The following KCNH7 variants were observed in gnomAD, a reference collection of about 807,000 sequenced individuals.
KCNH7 encodes the protein potassium voltage-gated channel subfamily H member 7.
Under a neutral mutation model 120.8 loss-of-function variants are expected in KCNH7, and 49 were observed. The observed-to-expected ratio is 0.41, with a 90% confidence interval of 0.32 to 0.51. KCNH7 has a LOEUF of 0.51. Among genes scored for constraint, KCNH7 ranks in the 20% least tolerant of loss-of-function variants. KCNH7 has a pLI of 0.38. For synonymous variants in KCNH7, 547 were observed against 516.1 expected (o/e 1.06, Z -0.81); for missense variants, 1,097 against 1,446.6 (o/e 0.76, Z 3.92).
intron 8 of KCNH7, among the ~76,000 whole-genome samples, chr2:162,431,126 A>G (rs1336182502): frequency 2.0e-5 from 3 of 151,966 alleles, no homozygotes; most frequent in Admixed American, 2.0e-4. Flanking sequence ...GATATTTACT[A>G]TTTGCATTTA....
At chr2:162,715,466 A>G (rs1294558642) in intron 2 of KCNH7, among the ~76,000 whole-genome samples, 2 of 152,296 alleles carry the variant, frequency 1.3e-5, no homozygotes, top group East Asian at 3.9e-4. Flanking sequence ...TCCAAACTAT[A>G]TCAGTTGGTA....
chr2:162,724,629 G>A lies in KCNH7; in HGVS notation c.307+111908C>T, dbSNP rs929484916. Among the ~76,000 whole-genome samples, 20 of 145,290 alleles carry A rather than the reference G, an allele frequency of 1.4e-4. 2 individuals are homozygous for A. In the East Asian group the frequency reaches 3.4e-3, roughly 25 times the overall value. ...GGAGCTTGCAGTGAGCCGAGATCGCGCCACTGCACTCCAGCCTGGGCGACA... is the reference window on the plus strand; with the variant it reads ...GGAGCTTGCAGTGAGCCGAGATCGCACCACTGCACTCCAGCCTGGGCGACA... On this transcript the variant is annotated intron_variant, in intron 2 of 15. Transcript: ENST00000332142.
chr2:162,386,874 TG>T (rs1305267483), intron 12 of KCNH7, among the ~76,000 whole-genome samples: 4 of 151,752 alleles, frequency 2.6e-5, no homozygotes, highest in African/African-American at 2.4e-5. Flanking sequence ...TGGATGCTTA[TG>T]AACAAGATTC....
At chr2:162,373,686 A>G in intron 14 of KCNH7, 24 bp from the exon 15 acceptor site, 1 of 1,428,122 alleles carries the variant, frequency 7.0e-7, no homozygotes, top group Non-Finnish European at 9.2e-7. Context: ...AGAAGTAGGA[A>G]AAGACAGTCT....
At chr2:162,478,210 C>T (rs1474638949) in intron 6 of KCNH7, among the ~76,000 whole-genome samples, 2 of 152,154 alleles carry the variant, frequency 1.3e-5, no homozygotes, top group Non-Finnish European at 2.9e-5. Flanking sequence ...CTGCTCAAGG[C>T]TCCCAATGAT....
rs138255271 is a variant in KCNH7, at chr2:162,395,867, C to G, written c.2613+873G>C. Among the ~76,000 whole-genome samples, 483 of 151,744 alleles carry G rather than the reference C, an allele frequency of 3.2e-3. 2 individuals carry two copies. The highest frequency in any genetic ancestry group is 0.011 in the African/African-American group (462 of 41,452). On this transcript the variant is annotated intron_variant, in intron 11 of 15. Coordinates refer to ENST00000332142, the MANE Select transcript of KCNH7 (RefSeq NM_033272.4). ...GTTAAATCTACCCCCTCTTACCTAA[C>G]TATTGACTTTAGGGTTTTTTTCCCC...
At chr2:162,759,825 GATAA>G (rs996822681) in intron 2 of KCNH7, among the ~76,000 whole-genome samples, 2 of 152,086 alleles carry the variant, frequency 1.3e-5, no homozygotes, top group African/African-American at 4.8e-5. Context: ...GTCAAAAATT[GATAA>G]ATAATTACTT....
At chr2:162,379,228 T>C (rs1168136051) in intron 14 of KCNH7, among the ~76,000 whole-genome samples, 1 of 152,214 alleles carries the variant, frequency 6.6e-6, no homozygotes, top group African/African-American at 2.4e-5. Flanking sequence ...AAAGCATCTG[T>C]GTCATACCCA....
chr2:162,804,310 A>G (rs868481586), intron 2 of KCNH7, among the ~76,000 whole-genome samples: 2 of 151,800 alleles, frequency 1.3e-5, no homozygotes, highest in Admixed American at 6.6e-5. Flanking sequence ...TTTGCTGATG[A>G]TATACCTAGA....
At chr2:162,531,282 T>C (rs1041132047) in intron 3 of KCNH7, among the ~76,000 whole-genome samples, 1 of 152,014 alleles carries the variant, frequency 6.6e-6, no homozygotes, top group Non-Finnish European at 1.5e-5. Context: ...AAGGTTTCAA[T>C]TCTCCATTTA....
chr2:162,701,904 G>A (rs1686517181), intron 2 of KCNH7, among the ~76,000 whole-genome samples: 1 of 152,016 alleles, frequency 6.6e-6, no homozygotes, highest in Admixed American at 6.6e-5. Flanking sequence ...CTACTTGGGA[G>A]GTTGAGGCAG....
chr2:162,593,419 G>T (rs1694278526), intron 2 of KCNH7, among the ~76,000 whole-genome samples: 1 of 152,014 alleles, frequency 6.6e-6, no homozygotes, highest in Non-Finnish European at 1.5e-5. Flanking sequence ...CTCACAATAA[G>T]CAGAGTCAAT....
At chr2:162,654,090 G>A (rs1281477635) in intron 2 of KCNH7, among the ~76,000 whole-genome samples, 2 of 135,236 alleles carry the variant, frequency 1.5e-5, no homozygotes, top group South Asian at 2.2e-4. Flanking sequence ...TGTGAGCAAT[G>A]ATTTTTTTTT....
chr2:162,547,148 C>T (rs1692508857), intron 2 of KCNH7, among the ~76,000 whole-genome samples: 1 of 152,068 alleles, frequency 6.6e-6, no homozygotes, highest in African/African-American at 2.4e-5. Context: ...GGAAAACTAC[C>T]ATTTATAAAA....
chr2:162,408,005 T>G lies in KCNH7; in HGVS notation c.2155-7564A>C, dbSNP rs115422794. Among the ~76,000 whole-genome samples, 1,243 of 152,150 alleles carry G rather than the reference T, an allele frequency of 8.2e-3. 21 individuals are homozygous for G. Among genetic ancestry groups the G allele is most frequent in the African/African-American group, 0.028 (1,183 of 41,550 alleles). On this transcript the variant is annotated intron_variant, in intron 9 of 15. Coordinates refer to ENST00000332142, the MANE Select transcript of KCNH7 (RefSeq NM_033272.4). ...TGAGTTGTCAACATCATGTGGGGAA[T>G]ATACATTGGCAATCACCCCAGTTTT...
chr2:162,604,515 G>C (rs778182706), intron 2 of KCNH7, among the ~76,000 whole-genome samples: 19 of 152,084 alleles, frequency 1.2e-4, no homozygotes, highest in Non-Finnish European at 1.9e-4. Context: ...TCATTCTTAA[G>C]CTACGATTTG....
rs1260086508 is a variant in KCNH7 at position 162,624,664 on chromosome 2, G to T, written c.308-87584C>A. Among the ~76,000 whole-genome samples, 3 of 152,050 alleles carry T rather than the reference G, an allele frequency of 2.0e-5. No individual in the cohort carries two copies. The East Asian group carries it at 5.8e-4, about 30-fold the overall frequency. On this transcript the variant is annotated intron_variant, in intron 2 of 15. Transcript: ENST00000332142. ...TACTCATTTTAGCTATATCATCTGC[G>T]ATTTTATGGGCTGCTATCATATACA...
At chr2:162,485,764 A>G (rs1038664236) in intron 6 of KCNH7, among the ~76,000 whole-genome samples, 2 of 152,190 alleles carry the variant, frequency 1.3e-5, no homozygotes, top group African/African-American at 4.8e-5. Flanking sequence ...AAAACCCATG[A>G]ATAATGGATA....
intron 6 of KCNH7, among the ~76,000 whole-genome samples, chr2:162,460,745 A>G (rs1000196109): frequency 3.9e-5 from 6 of 152,144 alleles, no homozygotes; most frequent in Admixed American, 3.9e-4. Context: ...GTTTTAAGCC[A>G]CCTAGTTCAT....
Sources: allele counts gnomAD v4.1 joint callset (sites outside exome capture counted in the v4.1 genomes callset), GRCh38; gene constraint gnomAD v4.1.1; transcripts MANE v1.5; gene names NCBI Gene and HGNC (gene_info 2026-07-23, HGNC 2026-07-21).